MED27: variants seen among roughly 807,000 people sequenced by gnomAD.
MED27 encodes the protein mediator complex subunit 27.
Under a neutral mutation model 38.2 loss-of-function variants are expected in MED27, and 30 were observed. The observed-to-expected ratio is 0.79, with a 90% CI of 0.59 to 1.07. MED27 has a LOEUF of 1.07. Ranked by LOEUF, MED27 falls within the 50% of genes least tolerant of loss-of-function variation. The probability of loss-of-function intolerance (pLI) is 0.00; values close to 1 mark genes in which losing one functional copy is unlikely to be tolerated. For missense variants in MED27, 289 were observed against 397.5 expected (o/e 0.73, Z 2.32); for synonymous variants, 122 against 153.5 (o/e 0.79, Z 1.52).
At chr9:132,002,059 C>T (rs189865075) in intron 3 of MED27, among the ~76,000 whole-genome samples, 56 of 152,296 alleles carry the variant, frequency 3.7e-4, no homozygotes, top group Non-Finnish European at 6.8e-4. Flanking sequence ...AATTGGCAGC[C>T]CATTATAGTC....
At chr9:131,894,143 C>T in intron 4 of MED27, 151 bp from the exon 5 acceptor site, 1 of 582,462 alleles carries the variant, frequency 1.7e-6, no homozygotes, top group Non-Finnish European at 3.1e-6. Context: ...AATGAACTCT[C>T]AATAACAGCA....
intron 3 of MED27, among the ~76,000 whole-genome samples, chr9:132,008,376 C>G (rs921475775): frequency 5.9e-5 from 9 of 152,252 alleles, no homozygotes; most frequent in Admixed American, 5.9e-4. Context: ...ACAGTGGACA[C>G]AGCCTCTCAG....
chr9:131,978,822 A>G (rs1369870862), intron 3 of MED27, among the ~76,000 whole-genome samples: 2 of 152,240 alleles, frequency 1.3e-5, no homozygotes, highest in African/African-American at 4.8e-5. Context: ...AGCTGGAGAA[A>G]CCATCGCAAG....
At chr9:131,957,606 A>G (rs1255500399) in intron 3 of MED27, among the ~76,000 whole-genome samples, 1 of 152,216 alleles carries the variant, frequency 6.6e-6, no homozygotes, top group Non-Finnish European at 1.5e-5. Flanking sequence ...AACAACCCAC[A>G]TGTCTGTAAA....
chr9:131,898,226 G>A (rs1829867148), intron 4 of MED27, among the ~76,000 whole-genome samples: 1 of 150,296 alleles, frequency 6.7e-6, no homozygotes, highest in African/African-American at 2.5e-5. Flanking sequence ...TATGAAGTTT[G>A]TCAATTCTTA....
chr9:132,055,088 G>A (rs1833547236), intron 2 of MED27, among the ~76,000 whole-genome samples: 1 of 152,140 alleles, frequency 6.6e-6, no homozygotes, highest in African/African-American at 2.4e-5. Flanking sequence ...TCACTGCCCT[G>A]GAAGCGCTGT....
chr9:132,015,983 T>C (rs1008549759), intron 2 of MED27, among the ~76,000 whole-genome samples: 1 of 152,228 alleles, frequency 6.6e-6, no homozygotes, highest in Non-Finnish European at 1.5e-5. Flanking sequence ...AACATACAAA[T>C]AGTAATTCAT....
At chr9:131,952,142 T>C (rs553171845) in intron 3 of MED27, among the ~76,000 whole-genome samples, 1 of 152,318 alleles carries the variant, frequency 6.6e-6, no homozygotes, top group African/African-American at 2.4e-5. Flanking sequence ...GCCTTTTTCC[T>C]CTCTGGCTTC....
rs565886969 is a variant in MED27 at position 132,047,482 on chromosome 9, G to A, written c.348+29960C>T. Among the ~76,000 whole-genome samples, 20 of 137,164 alleles carry A rather than the reference G, an allele frequency of 1.5e-4. No homozygotes were observed. In the Middle Eastern group the frequency reaches 0.019, roughly 131 times the overall value. The allele number at this position is 137,164 out of a possible 152,430, so 90.0% of individuals were successfully genotyped here. A position where few individuals can be genotyped will look rare whatever the true frequency, so the allele number is the denominator to read the frequency against. ...CACACACACACACACACACGTCTTA[G>A]TCCACTTGGAACCTGTATAGTGGTT... On this transcript the variant is annotated intron_variant, in intron 2 of 7. Transcript: ENST00000292035.
chr9:131,980,397 A>AG (rs1205406016), intron 3 of MED27, among the ~76,000 whole-genome samples: 23 of 152,304 alleles, frequency 1.5e-4, no homozygotes, highest in African/African-American at 5.1e-4. Context: ...TGCAATCAGC[A>AG]GAAGGCTTCA....
intron 3 of MED27, among the ~76,000 whole-genome samples, chr9:132,000,938 A>G (rs1179428144): frequency 2.0e-5 from 3 of 151,970 alleles, no homozygotes; most frequent in Non-Finnish European, 2.9e-5. Context: ...CATCTTTACA[A>G]AAAACTTAAA....
chr9:132,011,868 C>T (rs1832493047), intron 3 of MED27, among the ~76,000 whole-genome samples: 10 of 151,830 alleles, frequency 6.6e-5, no homozygotes, highest in Admixed American at 6.6e-4. Context: ...ATTCTTAGGA[C>T]ACAGTAACCA....
chr9:131,868,931 G>A lies in MED27; in HGVS notation c.724-5791C>T, dbSNP rs548746832. The A allele has an allele frequency of 5.7e-5, 56 of 985,454 alleles. 1 individual carries two copies. Among genetic ancestry groups the A allele is most frequent in the Middle Eastern group, 1.0e-3 (2 of 1,914 alleles). 61.0% of individuals were successfully genotyped at this position (985,454 alleles called of 1,614,324 possible). On this transcript the variant is annotated intron_variant, in intron 6 of 7. Coordinates refer to ENST00000292035, the MANE Select transcript of MED27 (RefSeq NM_004269.4). ...AGAAAGTGTCCTCTTCAGAGGCGGC[G>A]GGAGCCATGCGCCACAGCCCTGCTG... is the stretch of plus-strand genomic sequence containing the variant.
intron 6 of MED27, among the ~76,000 whole-genome samples, chr9:131,871,259 A>G (rs184475476): frequency 5.8e-4 from 89 of 152,282 alleles, no homozygotes; most frequent in Non-Finnish European, 1.1e-3. Context: ...GGGGGCAAAG[A>G]TAACAGGTTT....
intron 2 of MED27, among the ~76,000 whole-genome samples, chr9:132,016,045 T>G (rs995180323): frequency 6.6e-6 from 1 of 152,222 alleles, no homozygotes; most frequent in African/African-American, 2.4e-5. Context: ...AGGCACAGAT[T>G]TTCTTTGCCG....
intron 6 of MED27, among the ~76,000 whole-genome samples, chr9:131,865,591 C>T (rs1048901156): frequency 6.6e-6 from 1 of 152,110 alleles, no homozygotes; most frequent in Non-Finnish European, 1.5e-5. Context: ...TTGGAATAGC[C>T]GAGGCAGCTG....
At chr9:132,023,976 T>C (rs1832767356) in intron 2 of MED27, among the ~76,000 whole-genome samples, 2 of 152,146 alleles carry the variant, frequency 1.3e-5, no homozygotes, top group Non-Finnish European at 2.9e-5. Flanking sequence ...GGCTCAGGAC[T>C]ACGAGGAGGC....
intron 5 of MED27, among the ~76,000 whole-genome samples, chr9:131,888,034 CT>C (rs1432042323): frequency 1.2e-4 from 19 of 152,108 alleles, no homozygotes; most frequent in Non-Finnish European, 2.5e-4. Flanking sequence ...ACAGGAAGAA[CT>C]GGTGAAAATG....
intron 5 of MED27, among the ~76,000 whole-genome samples, chr9:131,884,441 C>T (rs1169139470): frequency 1.3e-5 from 2 of 152,116 alleles, no homozygotes; most frequent in East Asian, 3.9e-4. Flanking sequence ...CTGCCTCAGG[C>T]CCTTTGCACT....
Sources: allele counts gnomAD v4.1 joint callset (sites outside exome capture counted in the v4.1 genomes callset), GRCh38; gene constraint gnomAD v4.1.1; transcripts MANE v1.5; gene names NCBI Gene and HGNC (gene_info 2026-07-23, HGNC 2026-07-21).